ZNF462: variants seen among roughly 807,000 people sequenced by gnomAD.
ZNF462 encodes the protein zinc finger protein 462.
ZNF462 carries 10 observed loss-of-function variants against 201.9 expected under a neutral mutation model. That is an observed-to-expected ratio of 0.05 (90% CI 0.03 to 0.08). ZNF462 has a LOEUF of 0.08. Ranked by LOEUF, ZNF462 falls within the 10% of genes least tolerant of loss-of-function variation. ZNF462 has a pLI of 1.00. For synonymous variants in ZNF462, 1,227 were observed against 1,193.3 expected (o/e 1.03, Z -0.58); for missense variants, 2,523 against 3,168.3 (o/e 0.80, Z 4.89).
rs577521336 is a variant in ZNF462, at chr9:106,947,638, A to G, written c.6427+8531A>G. 5.9e-5 allele frequency among the ~76,000 whole-genome samples: 9 copies of G among 152,324 alleles called. No individual in the cohort carries two copies. The South Asian group carries it at 1.9e-3, about 32-fold the overall frequency. On this transcript the variant is annotated intron_variant, in intron 7 of 12. Transcript: ENST00000277225. The stretch of plus-strand genomic sequence containing the variant: ...TCATCTGCTTTAATATGTCTAATGC[A>G]TTGGAGGTATAAATGATTAATCTCA...
chr9:106,928,664 C>T lies in ZNF462; in HGVS notation c.4752C>T (p.Tyr1584=), dbSNP rs755476689. ...YGAYRCKLCP[Y]THGTLEKLKI... The stretch of plus-strand genomic sequence containing the variant: ...CCTACCGGTGCAAACTGTGTCCGTA[C>T]ACACACGGCACTTTGGAGAAACTAA... Residue 1584 remains tyrosine, a synonymous_variant, in exon 3 of 13, where the codon TAC becomes TAT. Coordinates refer to ENST00000277225, the MANE Select transcript of ZNF462 (RefSeq NM_021224.6). This position sits in a 1 kb window ranked among gnomAD's most constrained non-coding sequence, Gnocchi z 9.3. 1.2e-6 allele frequency: 2 copies of T among 1,614,186 alleles called. No individual in the cohort carries two copies. Among genetic ancestry groups the T allele is most frequent in the Non-Finnish European group, 1.7e-6 (2 of 1,180,044 alleles).
At position 106,972,063 on chromosome 9, in the gene ZNF462, T is replaced by C. The variant is rs577165756; in HGVS notation, c.6486T>C (p.Ala2162=). 34 of 1,614,228 alleles carry C rather than the reference T, an allele frequency of 2.1e-5. No individual in the cohort carries two copies. The highest frequency in any genetic ancestry group is 1.0e-4 in the Admixed American group (6 of 60,030). The stretch of plus-strand genomic sequence containing the variant: ...AGCAGTTGAACCACTATCAGTCAGC[T>C]GCCCTGGCAAGGAACAACAGCCGTG... ...VQQQLNHYQS[A]ALARNNSRVS... is the part of the protein sequence containing the mutation. Residue 2162 remains alanine, a synonymous_variant, in exon 8 of 13, where the codon GCT becomes GCC. Transcript: ENST00000277225. The surrounding 1 kb of genome is among the most constrained non-coding windows in gnomAD (Gnocchi z 4.8).
chr9:106,927,204 T>TGGCCCCCCCCCCCCCCCCCCCCCCCCCC lies in ZNF462; in HGVS notation c.3292_3293insGGCCCCCCCCCCCCCCCCCCCCCCCCCC (p.Ser1098TrpfsTer24). 2 of 1,570,412 alleles carry TGGCCCCCCCCCCCCCCCCCCCCCCCCCC rather than the reference T, an allele frequency of 1.3e-6. No homozygotes were observed. Among genetic ancestry groups the TGGCCCCCCCCCCCCCCCCCCCCCCCCCC allele is most frequent in the Middle Eastern group, 1.9e-4 (1 of 5,338 alleles). ...GTCTCCCAAAATGTCCAACATGGGT[T>TGGCCCCCCCCCCCCCCCCCCCCCCCCCC]CCCCACCCCCCCCACAACCCCCGCC... On this transcript the variant is annotated frameshift_variant, in exon 3 of 13. Coordinates refer to ENST00000277225, the MANE Select transcript of ZNF462 (RefSeq NM_021224.6). LOFTEE classifies it high-confidence loss of function.
intron 5 of ZNF462, among the ~76,000 whole-genome samples, chr9:106,934,318 A>T (rs1218026503): frequency 2.0e-5 from 3 of 150,994 alleles, no homozygotes; most frequent in African/African-American, 4.9e-5. Context: ...AAAAAAATCC[A>T]TGGGGGCTGG....
chr9:106,970,883 C>T lies in ZNF462; in HGVS notation c.6428-1122C>T, dbSNP rs1342008013. Among the ~76,000 whole-genome samples the T allele has an allele frequency of 1.3e-5, 2 of 151,512 alleles. No homozygotes were observed. The highest frequency in any genetic ancestry group is 6.6e-5 in the Admixed American group (1 of 15,194). On this transcript the variant is annotated intron_variant, in intron 7 of 12. Transcript: ENST00000277225. The surrounding 1 kb of genome is among the most constrained non-coding windows in gnomAD (Gnocchi z 4.2). ...GAAACGCTGAGATTTCCCCTCCTCC[C>T]TCCTAGATCAGATTTCTCCACCGCA... is the stretch of plus-strand genomic sequence containing the variant.
intron 10 of ZNF462, among the ~76,000 whole-genome samples, chr9:106,987,001 A>G (rs1827892068): frequency 6.8e-6 from 1 of 146,458 alleles, no homozygotes. Flanking sequence ...AGATAGATAG[A>G]TAGATAGATA....
In ZNF462 at chr9:106,956,884, T is replaced by C. The variant is rs774429560; in HGVS notation, c.6428-15121T>C. On this transcript the variant is annotated intron_variant, in intron 7 of 12. Coordinates refer to ENST00000277225, the MANE Select transcript of ZNF462 (RefSeq NM_021224.6). Reference sequence around the variant, plus strand: ...ATTGAAGATAATGAGGGCCTTGCTTTGGATTAGGCTTTGGCTTAAGAGAAT... The same window carrying C: ...ATTGAAGATAATGAGGGCCTTGCTTCGGATTAGGCTTTGGCTTAAGAGAAT... 2.2e-4 allele frequency among the ~76,000 whole-genome samples: 34 copies of C among 152,206 alleles called. 1 individual carries two copies. The highest frequency in any genetic ancestry group is 4.1e-4 in the Non-Finnish European group (28 of 68,030).
chr9:106,931,700 C>G (rs1830434090), intron 4 of ZNF462, among the ~76,000 whole-genome samples: 1 of 152,172 alleles, frequency 6.6e-6, no homozygotes, highest in Admixed American at 6.5e-5. Context: ...TCTCGAAAAA[C>G]AGGTGACTTA....
chr9:106,988,785 AT>A (rs577885175), intron 10 of ZNF462, among the ~76,000 whole-genome samples: 1 of 151,456 alleles, frequency 6.6e-6, no homozygotes, highest in Non-Finnish European at 1.5e-5. Flanking sequence ...TAAGTACTTT[AT>A]TTTTTTGCGG....
rs1832168612 is a variant in ZNF462 at position 106,968,182 on chromosome 9, C to G, written c.6428-3823C>G. Among the ~76,000 whole-genome samples, 1 of 152,110 alleles carries G rather than the reference C, an allele frequency of 6.6e-6. No individual in the cohort carries two copies. Among genetic ancestry groups the G allele is most frequent in the Non-Finnish European group, 1.5e-5 (1 of 68,026 alleles). ...AATCAGACAGGTCTTTGTTCAAATC[C>G]TACCTCTGCTTCTTCGTGTCTATGT... On this transcript the variant is annotated intron_variant, in intron 7 of 12. Transcript: ENST00000277225. The surrounding 1 kb of genome is among the most constrained non-coding windows in gnomAD (Gnocchi z 4.0).
In ZNF462 at chr9:107,013,293, C is replaced by T. The variant is rs1014504762; in HGVS notation, c.*2263C>T. ...CATTTTTTTCTTTTTCAAACATATACCTGATATTTTGTGGCCGCACATTTT... is the reference window on the plus strand; with the variant it reads ...CATTTTTTTCTTTTTCAAACATATATCTGATATTTTGTGGCCGCACATTTT... On this transcript the variant is annotated 3_prime_UTR_variant, in exon 13 of 13. Transcript: ENST00000277225. 6 of 151,886 alleles carry T rather than the reference C, an allele frequency of 4.0e-5. No individual in the cohort carries two copies. The highest frequency in any genetic ancestry group is 2.0e-4 in the Admixed American group (3 of 15,242). The allele number at this position is 151,886 out of a possible 1,614,324, so 9.4% of individuals were successfully genotyped here.
Position 106,932,857 on chromosome 9 carries a change from C to T in ZNF462, c.6116+308C>T, listed in dbSNP as rs1830479330. The T allele has an allele frequency of 2.1e-6, 1 of 480,334 alleles. No homozygotes were observed. The highest frequency in any genetic ancestry group is 3.7e-6 in the Non-Finnish European group (1 of 271,374). 29.8% of individuals were successfully genotyped at this position (480,334 alleles called of 1,614,324 possible). ...TGAGTCTCCTGATTCATCGTTCAAA[C>T]ATTCAGCCAAAATCTAGTCATTGTT... On this transcript the variant is annotated intron_variant, in intron 5 of 12. Coordinates refer to ENST00000277225, the MANE Select transcript of ZNF462 (RefSeq NM_021224.6). The surrounding 1 kb of genome is among the most constrained non-coding windows in gnomAD (Gnocchi z 6.8).
chr9:107,004,101 A>G (rs2132663597), intron 11 of ZNF462, among the ~76,000 whole-genome samples: 1 of 152,340 alleles, frequency 6.6e-6, no homozygotes, highest in Non-Finnish European at 1.5e-5. Context: ...GTGGATATAC[A>G]TTTATGTGAT....
intron 4 of ZNF462, chr9:106,931,001 G>A (rs976739541): frequency 2.1e-5 from 5 of 236,756 alleles, no homozygotes; most frequent in Non-Finnish European, 3.4e-5. Flanking sequence ...TTAGCTCTTC[G>A]TTCTTCCAAG....
rs1829808019 is a variant in ZNF462, at chr9:106,917,161, T to G, written c.-30-6193T>G. ...ACTACCTGCTTTCATAACAGGTCAC[T>G]CAGCCGGAATGACTTCTTATTTACA... On this transcript the variant is annotated intron_variant, in intron 1 of 12. Coordinates refer to ENST00000277225, the MANE Select transcript of ZNF462 (RefSeq NM_021224.6). The surrounding 1 kb of genome is among the most constrained non-coding windows in gnomAD (Gnocchi z 4.5). Among the ~76,000 whole-genome samples the G allele has an allele frequency of 6.6e-6, 1 of 152,236 alleles. No homozygotes were observed. Among genetic ancestry groups the G allele is most frequent in the Admixed American group, 6.5e-5 (1 of 15,284 alleles).
rs769096951 is a variant in ZNF462 at position 106,928,569 on chromosome 9, G to C, written c.4657G>C (p.Glu1553Gln). Residue 1553 changes from glutamate to glutamine, a missense_variant, in exon 3 of 13, where the codon GAG becomes CAG. Glu to Gln is a conservative substitution (Grantham distance 29). This residue lies in a region of ZNF462 where 200 missense variants were observed against 281.3 expected (regional missense o/e 0.71). Transcript: ENST00000277225. This position sits in a 1 kb window ranked among gnomAD's most constrained non-coding sequence, Gnocchi z 9.3. ...VTAEDFVHDV[E>Q]QSADISQNDV... is the part of the protein sequence containing the mutation. ...CGCTGAGGACTTTGTGCACGACGTA[G>C]AGCAGTCTGCTGACATATCCCAGAA... is the stretch of plus-strand genomic sequence containing the variant. 8 of 1,613,960 alleles carry C rather than the reference G, an allele frequency of 5.0e-6. No individual in the cohort carries two copies. The highest frequency in any genetic ancestry group is 5.9e-6 in the Non-Finnish European group (7 of 1,180,028).
chr9:106,861,412 G>C (rs986551078), upstream of ZNF462, among the ~76,000 whole-genome samples: 2 of 152,144 alleles, frequency 1.3e-5, no homozygotes, highest in African/African-American at 4.8e-5. Context: ...ATTTAAAGAG[G>C]ACAGACTTGC....
chr9:106,977,313 G>A lies in ZNF462; in HGVS notation c.6832+3040G>A, dbSNP rs1393747536. 6.8e-6 allele frequency among the ~76,000 whole-genome samples: 1 copy of A among 147,788 alleles called. No homozygotes were observed. Among genetic ancestry groups the A allele is most frequent in the Non-Finnish European group, 1.5e-5 (1 of 68,000 alleles). On this transcript the variant is annotated intron_variant, in intron 9 of 12. Coordinates refer to ENST00000277225, the MANE Select transcript of ZNF462 (RefSeq NM_021224.6). This position sits in a 1 kb window ranked among gnomAD's most constrained non-coding sequence, Gnocchi z 4.6. The stretch of plus-strand genomic sequence containing the variant: ...ATCCATGACATCCTTGGTCTCTCAG[G>A]TCCACAGTACAAGATCTTTCTGAGG...
Position 106,935,204 on chromosome 9 carries a change from C to T in ZNF462, c.6117-299C>T, listed in dbSNP as rs912940204. Among the ~76,000 whole-genome samples the T allele has an allele frequency of 5.9e-5, 9 of 152,174 alleles. No individual in the cohort carries two copies. The highest frequency in any genetic ancestry group is 2.2e-4 in the African/African-American group (9 of 41,452). On this transcript the variant is annotated intron_variant, in intron 5 of 12. Transcript: ENST00000277225. The surrounding 1 kb of genome is among the most constrained non-coding windows in gnomAD (Gnocchi z 4.1). Reference sequence around the variant, plus strand: ...ATTGTACCTTCTCTTTAGATACACTCTTCCAATGATCAGAGCTCTAAGAAG... The same window carrying T: ...ATTGTACCTTCTCTTTAGATACACTTTTCCAATGATCAGAGCTCTAAGAAG...
Sources: allele counts gnomAD v4.1 joint callset (sites outside exome capture counted in the v4.1 genomes callset), GRCh38; gene constraint gnomAD v4.1.1; regional missense constraint gnomAD v4.1.1; non-coding constraint Gnocchi (gnomAD v3.1); transcripts MANE v1.5; gene names NCBI Gene and HGNC (gene_info 2026-07-23, HGNC 2026-07-21).